Variants in STK39 observed in about 807,000 individuals in gnomAD.
STK39 encodes the protein serine/threonine kinase 39.
Under a neutral mutation model 77.8 loss-of-function variants are expected in STK39, and 20 were observed. That is an observed-to-expected ratio of 0.26 (90% CI 0.18 to 0.37). STK39 has a LOEUF of 0.37. Ranked by LOEUF, STK39 falls within the 10% of genes least tolerant of loss-of-function variation. The pLI is 1.00. For synonymous variants in STK39, 246 were observed against 234.1 expected, an observed-to-expected ratio of 1.05 and a Z score of -0.47; for missense variants, 479 against 656.5, an observed-to-expected ratio of 0.73 and a Z score of 2.95.
At chr2:168,003,748 A>G (rs1471532992) in intron 16 of STK39, among the ~76,000 whole-genome samples, 3 of 152,220 alleles carry the variant, frequency 2.0e-5, no homozygotes, top group Non-Finnish European at 4.4e-5. Context: ...ACTAACCACA[A>G]GCCTGTCTAA....
chr2:168,148,868 A>C (rs3769394), intron 5 of STK39, among the ~76,000 whole-genome samples: 23,807 of 152,184 alleles, frequency 0.16, 1,969 homozygotes, highest in East Asian at 0.25. Context: ...TTCCGCTCCA[A>C]AGAGGTGCTT....
intron 1 of STK39, among the ~76,000 whole-genome samples, chr2:168,235,891 T>G (rs989717002): frequency 6.6e-6 from 1 of 152,172 alleles, no homozygotes; most frequent in South Asian, 2.1e-4. Flanking sequence ...TCTTTGCTAC[T>G]GTGAATAGTG....
Position 168,112,432 on chromosome 2 carries a change from T to C in STK39, c.1089+17109A>G, listed in dbSNP as rs566577553. ...CCATGCTGTTCTCATGACACAGTTCTCACAATATCTAGTTGTTTGATTAAG... is the reference window on the plus strand; with the variant it reads ...CCATGCTGTTCTCATGACACAGTTCCCACAATATCTAGTTGTTTGATTAAG... On this transcript the variant is annotated intron_variant, in intron 10 of 17. Coordinates refer to ENST00000355999, the MANE Select transcript of STK39 (RefSeq NM_013233.3). 2.0e-5 allele frequency among the ~76,000 whole-genome samples: 3 copies of C among 152,268 alleles called. No individual in the cohort carries two copies. In the East Asian group the frequency reaches 5.8e-4, roughly 29 times the overall value.
intron 16 of STK39, among the ~76,000 whole-genome samples, chr2:167,979,269 T>TTGTACCATTTTTACA (rs1235794230): frequency 1.3e-5 from 2 of 152,232 alleles, no homozygotes; most frequent in Non-Finnish European, 2.9e-5. Context: ...TCCAGAGTGA[T>TTGTACCATTTTTACA]TGTACCATTT....
intron 1 of STK39, among the ~76,000 whole-genome samples, chr2:168,225,708 G>C (rs1347285402): frequency 6.6e-6 from 1 of 152,176 alleles, no homozygotes; most frequent in Admixed American, 6.5e-5. Flanking sequence ...AAGTACATTA[G>C]ATCAGGATTA....
At chr2:168,095,074 T>A (rs1363297201) in intron 10 of STK39, among the ~76,000 whole-genome samples, 1 of 152,158 alleles carries the variant, frequency 6.6e-6, no homozygotes. Flanking sequence ...CAGACCCCCA[T>A]CACCTCAGGC....
chr2:168,087,327 G>A (rs1330171107), intron 10 of STK39, among the ~76,000 whole-genome samples: 3 of 152,228 alleles, frequency 2.0e-5, no homozygotes, highest in Non-Finnish European at 2.9e-5. Flanking sequence ...AACACACTGC[G>A]ATGGTCAGTT....
chr2:168,223,653 T>C (rs1262896639), intron 1 of STK39, among the ~76,000 whole-genome samples: 1 of 151,960 alleles, frequency 6.6e-6, no homozygotes, highest in Admixed American at 6.6e-5. Flanking sequence ...CAAGACTAGG[T>C]TCAGATCCAG....
chr2:168,134,649 G>A (rs574232322), intron 8 of STK39, among the ~76,000 whole-genome samples: 4 of 152,152 alleles, frequency 2.6e-5, no homozygotes, highest in East Asian at 1.9e-4. Flanking sequence ...CTCTGTCTAC[G>A]TCAATGCAGA....
intron 14 of STK39, among the ~76,000 whole-genome samples, chr2:168,020,865 C>G (rs1684552974): frequency 6.6e-6 from 1 of 151,960 alleles, no homozygotes; most frequent in Admixed American, 6.6e-5. Context: ...TGCTCAATTC[C>G]TTTAACTTTT....
chr2:168,182,968 T>C (rs551284511), intron 1 of STK39, among the ~76,000 whole-genome samples: 3 of 152,300 alleles, frequency 2.0e-5, no homozygotes, highest in Admixed American at 2.0e-4. Context: ...GGTGACAATC[T>C]TTCTCCCTAA....
intron 1 of STK39, among the ~76,000 whole-genome samples, chr2:168,228,443 G>C (rs909665455): frequency 1.3e-5 from 2 of 152,112 alleles, no homozygotes; most frequent in African/African-American, 4.8e-5. Context: ...ACTCATCAGT[G>C]TTGTATAAAT....
intron 8 of STK39, among the ~76,000 whole-genome samples, chr2:168,131,316 G>A (rs184087575): frequency 1.2e-4 from 19 of 152,240 alleles, no homozygotes; most frequent in African/African-American, 4.1e-4. Flanking sequence ...GAGGAGGGAT[G>A]CATTATTGAA....
chr2:167,955,515 G>C lies in STK39; in HGVS notation c.1619C>G (p.Ala540Gly). Residue 540 changes from alanine (A) to glycine (G), a missense_variant, in exon 18 of 18, where the codon GCT (alanine) becomes GGT (glycine). Ala to Gly is a moderately conservative substitution (Grantham distance 60). Around this residue, in one of 3 missense-constraint regions of STK39, gnomAD observed 244 missense variants for 296.8 expected, o/e 0.82. Transcript: ENST00000355999. ...IPDEVKLIGF[A>G]QLSVS The stretch of plus-strand genomic sequence containing the variant: ...CATACATCAGCTGACACTCAACTGA[G>C]CAAACCCAATCAGCTTCACTTCATC... 1 of 1,613,834 alleles carries C rather than the reference G, an allele frequency of 6.2e-7. No homozygotes were observed. The highest frequency in any genetic ancestry group is 8.5e-7 in the Non-Finnish European group (1 of 1,179,884).
intron 1 of STK39, among the ~76,000 whole-genome samples, chr2:168,204,235 T>C (rs1235072113): frequency 6.6e-6 from 1 of 152,174 alleles, no homozygotes; most frequent in African/African-American, 2.4e-5. Flanking sequence ...GAGGTCACCC[T>C]ACCTTGCCGC....
rs114202110 is a variant in STK39, at chr2:167,962,496, G to A, written c.1563+2166C>T. 8.6e-3 allele frequency among the ~76,000 whole-genome samples: 1,312 copies of A among 152,248 alleles called. 17 individuals carry two copies. The highest frequency in any genetic ancestry group is 0.03 in the African/African-American group (1,249 of 41,536). On this transcript the variant is annotated intron_variant, in intron 17 of 17. Transcript: ENST00000355999. Reference sequence around the variant, plus strand: ...AAGGTCCCTCCTGAGTTTGGTTTTCGTTAACCATCTTTATCTTTGGGGAGA... The same window carrying A: ...AAGGTCCCTCCTGAGTTTGGTTTTCATTAACCATCTTTATCTTTGGGGAGA...
chr2:168,105,892 G>A (rs1011255154), intron 10 of STK39, among the ~76,000 whole-genome samples: 1 of 152,226 alleles, frequency 6.6e-6, no homozygotes, highest in African/African-American at 2.4e-5. Context: ...AAAGAACAAT[G>A]AGGGTTTCAT....
intron 13 of STK39, 115 bp downstream of exon 13, chr2:168,065,204 T>G: frequency 9.3e-7 from 1 of 1,081,080 alleles, no homozygotes; most frequent in African/African-American, 1.6e-5. Context: ...AGACAGCTTA[T>G]AAGCCCTTGA....
intron 10 of STK39, among the ~76,000 whole-genome samples, chr2:168,118,913 G>T (rs148501841): frequency 6.6e-6 from 1 of 152,106 alleles, no homozygotes; most frequent in Non-Finnish European, 1.5e-5. Context: ...AAAAAGCAAA[G>T]AATTTAAAAT....
Sources: gnomAD v4.1 joint callset for allele counts (sites outside exome capture counted in the v4.1 genomes callset) on GRCh38, gnomAD v4.1.1 for gene constraint, gnomAD v4.1.1 regional missense constraint, MANE v1.5 for transcripts, NCBI Gene and HGNC (gene_info 2026-07-23, HGNC 2026-07-21) for gene names.